Variants in DUOX2 observed in about 807,000 individuals in gnomAD.
DUOX2 encodes dual oxidase 2.
Under a neutral mutation model 183.3 loss-of-function variants are expected in DUOX2, and 185 were observed. That is an observed-to-expected ratio of 1.01 (90% CI 0.90 to 1.14). DUOX2 has a LOEUF of 1.14. Ranked by LOEUF, DUOX2 falls within the 50% of genes most tolerant of loss-of-function variation. The pLI, the probability that DUOX2 is intolerant of heterozygous loss-of-function variation, is 0.00. For missense variants in DUOX2, 1,999 were observed against 2,022.9 expected (o/e 0.99, Z 0.23); for synonymous variants, 788 against 812.4 (o/e 0.97, Z 0.51).
chr15:45,108,294 C>G, intron 12 of DUOX2, 72 bp from the exon 13 acceptor site: 1 of 1,566,348 alleles, frequency 6.4e-7, no homozygotes, highest in African/African-American at 1.3e-5. Context: ...CCCCATCCCT[C>G]GGGCACAGAA....
chr15:45,111,718 GC>G (rs970810123), intron 5 of DUOX2, 49 bp downstream of exon 5: 2 of 1,489,982 alleles, frequency 1.3e-6, no homozygotes, highest in African/African-American at 2.8e-5. Flanking sequence ...CGAAGCCCAG[GC>G]CCCACCTGGC....
chr15:45,111,898 A>G lies in DUOX2; in HGVS notation c.383T>C (p.Phe128Ser). The change falls in exon 5 of 34, where the codon TTC becomes TCC. Residue 128 changes from phenylalanine (F) to serine (S), a missense_variant. Phe to Ser is a radical substitution (Grantham distance 155, BLOSUM62 -2). This residue lies in a region of DUOX2 where 356 missense variants were observed against 356.4 expected (regional missense o/e 1.00). Transcript: ENST00000389039. ...SVETPGCPAE[F>S]LNIRIPPGDP... ...TCCAGGTGGGATGCGGATGTTGAGG[A>G]ACTCGGCGGGGCAACCGGGCGTTTC... The G allele has an allele frequency of 6.2e-7, 1 of 1,613,784 alleles. No homozygotes were observed. Among genetic ancestry groups the G allele is most frequent in the Non-Finnish European group, 8.5e-7 (1 of 1,179,974 alleles).
rs1490087143 is a variant in DUOX2 at position 45,111,946 on chromosome 15, A to G, written c.335T>C (p.Val112Ala). The stretch of plus-strand genomic sequence containing the variant: ...TTCCACGCTCACCACGTCGGAAAGA[A>G]CATGGTAGCCTGCGGGCATGGGGCG... The part of the protein sequence containing the change: ...TVLGVFFGYH[V>A]LSDVVSVETP... The change falls in exon 5 of 34, where the codon GTT becomes GCT. Residue 112 changes from valine to alanine, a missense_variant. By Grantham distance (64) the Val-to-Ala change is moderately conservative. Around this residue, in one of 3 missense-constraint regions of DUOX2, gnomAD observed 356 missense variants for 356.4 expected, o/e 1.00. Coordinates refer to ENST00000389039, the MANE Select transcript of DUOX2 (RefSeq NM_001363711.2). 6.2e-7 allele frequency: 1 copy of G among 1,613,462 alleles called. No individual in the cohort carries two copies. The highest frequency in any genetic ancestry group is 1.3e-5 in the African/African-American group (1 of 74,920).
chr15:45,113,290 C>A (rs989235919), intron 2 of DUOX2, 52 bp downstream of exon 2: 2 of 1,539,250 alleles, frequency 1.3e-6, no homozygotes, highest in Non-Finnish European at 8.8e-7. Flanking sequence ...CCCCGCCCCA[C>A]CTCCCAGGGA....
intron 21 of DUOX2, 142 bp downstream of exon 21, chr15:45,101,651 G>T: frequency 9.4e-7 from 1 of 1,061,244 alleles, no homozygotes; most frequent in Non-Finnish European, 1.4e-6. Flanking sequence ...ACCTACATGT[G>T]CCATCCCAAT....
chr15:45,097,736 T>A lies in DUOX2; in HGVS notation c.3571A>T (p.Thr1191Ser). 6.2e-7 allele frequency: 1 copy of A among 1,614,190 alleles called. No individual in the cohort carries two copies. Among genetic ancestry groups the A allele is most frequent in the Non-Finnish European group, 8.5e-7 (1 of 1,180,016 alleles). ...WWFFQTVPGM[T>S]GVLLLLVLAI... ...AGGACCAGGAGCAGAAGCACACCTG[T>A]CATACCTGGGGGCAGGAAGACAGGG... Residue 1191 changes from threonine (T) to serine (S), a missense_variant, in exon 28 of 34, where the codon ACA becomes TCA. This residue lies in a region of DUOX2 where 1,628 missense variants were observed against 1,608.6 expected (regional missense o/e 1.01). Transcript: ENST00000389039.
chr15:45,101,272 T>C lies in DUOX2; in HGVS notation c.2854A>G (p.Ile952Val). 6.2e-7 allele frequency: 1 copy of C among 1,611,858 alleles called. No individual in the cohort carries two copies. Among genetic ancestry groups the C allele is most frequent in the Non-Finnish European group, 8.5e-7 (1 of 1,178,558 alleles). Residue 952 changes from isoleucine (I) to valine (V), a missense_variant and splice_region_variant, in exon 22 of 34, where the codon ATT becomes GTT. Coordinates refer to ENST00000389039, the MANE Select transcript of DUOX2 (RefSeq NM_001363711.2). ...VKGGGGGGNG[I>V]RDIFKQNISC... ...ATGTTTTGTTTAAAGATATCTCTAATACCTAGAGAAAAGAACAAGAGGCAG... is the reference window on the plus strand; with the variant it reads ...ATGTTTTGTTTAAAGATATCTCTAACACCTAGAGAAAAGAACAAGAGGCAG...
At position 45,097,612 on chromosome 15, in the gene DUOX2, A is replaced by T. The variant is rs1893940049; in HGVS notation, c.3693+2T>A. On this transcript the variant is annotated splice_donor_variant, in intron 28 of 33. Transcript: ENST00000389039. LOFTEE classifies it high-confidence loss of function. ...ATGGGCTGGCCCAGGGAAGTCCCTC[A>T]CCAGGGCATAGAGCAGGATGTAGAG... 1 of 1,614,064 alleles carries T rather than the reference A, an allele frequency of 6.2e-7. No homozygotes were observed. Among genetic ancestry groups the T allele is most frequent in the Non-Finnish European group, 8.5e-7 (1 of 1,180,034 alleles).
intron 2 of DUOX2, 101 bp from the exon 3 acceptor site, chr15:45,113,177 C>A: frequency 6.8e-7 from 1 of 1,470,824 alleles, no homozygotes; most frequent in Non-Finnish European, 9.3e-7. Context: ...CGGAGCGCCC[C>A]TAACCGGACC....
chr15:45,094,198 G>A lies in DUOX2; in HGVS notation c.4599C>T (p.Val1533=), dbSNP rs1304325856. 1.9e-6 allele frequency: 3 copies of A among 1,614,032 alleles called. No homozygotes were observed. The highest frequency in any genetic ancestry group is 2.5e-6 in the Non-Finnish European group (3 of 1,180,032). ...TKNVEKACQL[V]NRQDRAHFMH... is the part of the protein sequence containing the mutation. ...TGAAGTGGGCTCGGTCCTGCCTGTT[G>A]ACGAGCTGACAGGCCTTCTCTACAT... The change falls in exon 34 of 34, where the codon GTC becomes GTT. Residue 1533 remains valine (V), a synonymous_variant. Transcript: ENST00000389039.
chr15:45,104,212 G>C lies in DUOX2; in HGVS notation c.2488C>G (p.Leu830Val). Residue 830 changes from leucine (L) to valine (V), a missense_variant, in exon 19 of 34, where the codon CTG (leucine) becomes GTG (valine). By Grantham distance (32) the Leu-to-Val change is conservative (BLOSUM62 1). Around this residue, in one of 3 missense-constraint regions of DUOX2, gnomAD observed 1,628 missense variants for 1,608.6 expected, o/e 1.01. Coordinates refer to ENST00000389039, the MANE Select transcript of DUOX2 (RefSeq NM_001363711.2). ...QDMFVESMFS[L>V]ADKDGNGYLS... Reference sequence around the variant, plus strand: ...TAGCCATTGCCATCCTTGTCAGCCAGAGAGAACATGGACTCCACAAACATG... The same window carrying C: ...TAGCCATTGCCATCCTTGTCAGCCACAGAGAACATGGACTCCACAAACATG... 6.2e-7 allele frequency: 1 copy of C among 1,614,160 alleles called. No homozygotes were observed. The highest frequency in any genetic ancestry group is 1.1e-5 in the South Asian group (1 of 91,072).
intron 12 of DUOX2, chr15:45,108,560 C>A: frequency 1.6e-6 from 1 of 641,510 alleles, no homozygotes; most frequent in Non-Finnish European, 2.7e-6. Context: ...AGCCACCCTG[C>A]AGGAATGGTA....
intron 20 of DUOX2, 78 bp from the exon 21 acceptor site, chr15:45,102,067 C>A: frequency 6.5e-7 from 1 of 1,547,466 alleles, no homozygotes. Flanking sequence ...GGGCAGGCCC[C>A]AGATTATCTA....
intron 25 of DUOX2, 77 bp from the exon 26 acceptor site, chr15:45,099,559 A>C (rs111276476): frequency 1.3e-5 from 21 of 1,580,812 alleles, no homozygotes; most frequent in Middle Eastern, 3.3e-4. Context: ...GAGGAGGCAT[A>C]GGGAGGAGAG....
chr15:45,099,765 G>A lies in DUOX2; in HGVS notation c.3312C>T (p.Asn1104=), dbSNP rs760707357. The part of the protein sequence containing the change: ...FSYILLTMCR[N]LITFLRETFL... ...AAGTCTCTCGCAGGAAGGTTATGAG[G>A]TTGCGGCACATGGTGAGCAAGATAT... Residue 1104 remains asparagine (N), a synonymous_variant, in exon 25 of 34, where the codon AAC becomes AAT. Transcript: ENST00000389039. 10 of 1,614,110 alleles carry A rather than the reference G, an allele frequency of 6.2e-6. No individual in the cohort carries two copies. Among genetic ancestry groups the A allele is most frequent in the East Asian group, 2.2e-5 (1 of 44,892 alleles).
intron 3 of DUOX2, 39 bp downstream of exon 3, chr15:45,112,948 G>C (rs74367551): frequency 6.2e-7 from 1 of 1,606,788 alleles, no homozygotes; most frequent in Admixed American, 1.7e-5. Flanking sequence ...GGCCCTTCGC[G>C]AGCCACGGCC....
chr15:45,097,544 C>G, intron 28 of DUOX2, 70 bp downstream of exon 28: 1 of 1,613,282 alleles, frequency 6.2e-7, no homozygotes, highest in East Asian at 2.2e-5. Flanking sequence ...GGATCCAATT[C>G]TCCCTCTTTC....
At position 45,113,323 on chromosome 15, in the gene DUOX2, A is replaced by C; in HGVS notation, c.70+19T>G. ...GGATCCTGGGGAACACCCCGCCGCT[A>C]GAGGAGCCTGATACTTGCCCGATGG... On this transcript the variant is annotated intron_variant, in intron 2 of 33. Coordinates refer to ENST00000389039, the MANE Select transcript of DUOX2 (RefSeq NM_001363711.2). 1.3e-6 allele frequency: 2 copies of C among 1,555,370 alleles called. No homozygotes were observed. The highest frequency in any genetic ancestry group is 1.7e-6 in the Non-Finnish European group (2 of 1,148,830).
chr15:45,104,916 G>A (rs561310608), intron 18 of DUOX2, among the ~76,000 whole-genome samples: 1 of 152,312 alleles, frequency 6.6e-6, no homozygotes, highest in South Asian at 2.1e-4. Context: ...CGCCACCCGG[G>A]TTCAAGCGAT....
Sources: gnomAD v4.1 joint callset for allele counts (sites outside exome capture counted in the v4.1 genomes callset) on GRCh38, gnomAD v4.1.1 for gene constraint, gnomAD v4.1.1 regional missense constraint, MANE v1.5 for transcripts, NCBI Gene and HGNC (gene_info 2026-07-23, HGNC 2026-07-21) for gene names.